Variants in PITPNC1 observed in about 807,000 individuals in gnomAD.
PITPNC1 encodes cytoplasmic phosphatidylinositol transfer protein 1.
PITPNC1 carries 18 observed loss-of-function variants against 44.7 expected under a neutral mutation model. The ratio of observed to expected loss-of-function variants is 0.40; its 90% CI spans 0.28 to 0.60. The LOEUF is 0.60. Ranked by LOEUF, PITPNC1 falls within the 20% of genes least tolerant of loss-of-function variation. The pLI, the probability that PITPNC1 is intolerant of heterozygous loss-of-function variation, is 0.39. For missense variants in PITPNC1, 290 were observed against 418.4 expected, an observed-to-expected ratio of 0.69 and a Z score of 2.68; for synonymous variants, 141 against 149.6, an observed-to-expected ratio of 0.94 and a Z score of 0.42.
intron 1 of PITPNC1, among the ~76,000 whole-genome samples, chr17:67,425,189 GCGCGCACGCACACGCA>G: frequency 2.4e-5 from 1 of 41,612 alleles, no homozygotes; most frequent in South Asian, 6.4e-4. Flanking sequence ...CATGTTGTGC[GCGCGCACGCACACGCA>G]CACACACACA....
chr17:67,634,572 C>T lies in PITPNC1; in HGVS notation c.462+2334C>T, dbSNP rs112119136. On this transcript the variant is annotated intron_variant, in intron 6 of 8. Transcript: ENST00000581322. ...AATGAGCCAAAGAGATGCTTAGGGT[C>T]CCTCCCTTCAGGACACTTCCAATCT... Among the ~76,000 whole-genome samples, 1,208 of 152,158 alleles carry T rather than the reference C, an allele frequency of 7.9e-3. 8 individuals carry two copies. Among genetic ancestry groups the T allele is most frequent in the Middle Eastern group, 0.014 (4 of 294 alleles).
intron 1 of PITPNC1, among the ~76,000 whole-genome samples, chr17:67,393,071 G>A (rs568067809): frequency 1.4e-4 from 21 of 151,494 alleles, no homozygotes; most frequent in Admixed American, 6.6e-4. Context: ...CAGAGGTTGT[G>A]GTGAGTCAAG....
intron 1 of PITPNC1, among the ~76,000 whole-genome samples, chr17:67,505,137 G>T (rs1462876830): frequency 6.6e-6 from 1 of 152,172 alleles, no homozygotes; most frequent in East Asian, 1.9e-4. Context: ...TTATGGTCTA[G>T]TATACGGTCT....
chr17:67,679,917 A>G (rs765775540), intron 8 of PITPNC1, among the ~76,000 whole-genome samples: 2 of 152,262 alleles, frequency 1.3e-5, no homozygotes, highest in Non-Finnish European at 2.9e-5. Context: ...AAAGGAACAC[A>G]GAACATTGCC....
chr17:67,438,099 A>C (rs2038961929), intron 1 of PITPNC1, among the ~76,000 whole-genome samples: 1 of 152,060 alleles, frequency 6.6e-6, no homozygotes, highest in African/African-American at 2.4e-5. Context: ...AAAAGAAGAG[A>C]AAAGAAAAAA....
At chr17:67,570,328 C>T (rs990720887) in intron 4 of PITPNC1, among the ~76,000 whole-genome samples, 2 of 152,334 alleles carry the variant, frequency 1.3e-5, no homozygotes, top group Admixed American at 1.3e-4. Context: ...GCCTGGGACA[C>T]GTGGTGACAT....
intron 6 of PITPNC1, among the ~76,000 whole-genome samples, chr17:67,663,915 G>C (rs2042384299): frequency 6.6e-6 from 1 of 152,096 alleles, no homozygotes; most frequent in African/African-American, 2.4e-5. Flanking sequence ...GTGACCGAGC[G>C]AGCTTCTAGA....
chr17:67,512,507 A>AACAAAAC (rs1382463792), intron 1 of PITPNC1, among the ~76,000 whole-genome samples: 3 of 149,772 alleles, frequency 2.0e-5, no homozygotes, highest in Admixed American at 6.6e-5. Flanking sequence ...TCTCAAAAAA[A>AACAAAAC]AAAAAAAAAA....
intron 5 of PITPNC1, among the ~76,000 whole-genome samples, chr17:67,607,861 T>G (rs1435187981): frequency 1.3e-5 from 2 of 151,930 alleles, no homozygotes; most frequent in Non-Finnish European, 2.9e-5. Context: ...CCCGAGTACC[T>G]GGGATTATAG....
At chr17:67,424,852 C>T (rs978921056) in intron 1 of PITPNC1, among the ~76,000 whole-genome samples, 3 of 151,918 alleles carry the variant, frequency 2.0e-5, no homozygotes, top group Admixed American at 6.6e-5. Context: ...ATGTGACCTT[C>T]GTGTATACAT....
chr17:67,599,034 A>ATATATATATT (rs1461493250), intron 5 of PITPNC1, among the ~76,000 whole-genome samples: 3 of 35,676 alleles, frequency 8.4e-5, no homozygotes, highest in East Asian at 9.2e-4. Context: ...ATATATATAT[A>ATATATATATT]TTTTTTTTTT....
chr17:67,537,116 G>T (rs562335023), intron 2 of PITPNC1, among the ~76,000 whole-genome samples: 9 of 152,308 alleles, frequency 5.9e-5, no homozygotes, highest in African/African-American at 1.9e-4. Context: ...CCCTGAAATT[G>T]ATGAAATTAA....
At chr17:67,432,190 A>G (rs1434186721) in intron 1 of PITPNC1, among the ~76,000 whole-genome samples, 1 of 152,242 alleles carries the variant, frequency 6.6e-6, no homozygotes, top group African/African-American at 2.4e-5. Context: ...TGGACCACAT[A>G]TAAAATACAC....
chr17:67,498,118 C>T (rs1166941396), intron 1 of PITPNC1, among the ~76,000 whole-genome samples: 2 of 152,124 alleles, frequency 1.3e-5, no homozygotes, highest in African/African-American at 4.8e-5. Context: ...GATCCACCCA[C>T]CTGAGCCTCC....
In PITPNC1 at chr17:67,487,565, G is replaced by A. The variant is rs138844888; in HGVS notation, c.49-45237G>A. ...CGAGTGTTTCTCTGTATCCATCTGAGCTCAGGAGGATGCCCAAGTGAAAGG... is the reference window on the plus strand; with the variant it reads ...CGAGTGTTTCTCTGTATCCATCTGAACTCAGGAGGATGCCCAAGTGAAAGG... On this transcript the variant is annotated intron_variant, in intron 1 of 8. Coordinates refer to ENST00000581322, the MANE Select transcript of PITPNC1 (RefSeq NM_012417.4). Among the ~76,000 whole-genome samples the A allele has an allele frequency of 2.3e-3, 350 of 152,312 alleles. 1 individual carries two copies. The highest frequency in any genetic ancestry group is 7.9e-3 in the African/African-American group (330 of 41,564).
At chr17:67,639,618 T>C (rs1198047041) in intron 6 of PITPNC1, among the ~76,000 whole-genome samples, 1 of 152,192 alleles carries the variant, frequency 6.6e-6, no homozygotes, top group African/African-American at 2.4e-5. Context: ...GAATTTGATT[T>C]TGAACTTTCC....
At chr17:67,581,223 C>T (rs2041229446) in intron 5 of PITPNC1, among the ~76,000 whole-genome samples, 2 of 152,172 alleles carry the variant, frequency 1.3e-5, no homozygotes, top group African/African-American at 4.8e-5. Context: ...GACTACTCTC[C>T]TAGGAATTTA....
At chr17:67,408,689 C>T (rs1042142928) in intron 1 of PITPNC1, 11 of 113,512 alleles carry the variant, frequency 9.7e-5, no homozygotes, top group African/African-American at 3.4e-4. Context: ...TTCCTTCCTT[C>T]CTTCCTTCCT....
Position 67,664,848 on chromosome 17 carries a change from T to C in PITPNC1, c.463-4660T>C, listed in dbSNP as rs985992085. Among the ~76,000 whole-genome samples, 4 of 149,244 alleles carry C rather than the reference T, an allele frequency of 2.7e-5. No homozygotes were observed. In the South Asian group the frequency reaches 6.3e-4, roughly 24 times the overall value. On this transcript the variant is annotated intron_variant, in intron 6 of 8. Transcript: ENST00000581322. ...TGAACCCAGAAGGCGGAGATTGCAG[T>C]GAGCCGAGATCATGCCACTGTACTC...
Sources: allele counts gnomAD v4.1 joint callset (sites outside exome capture counted in the v4.1 genomes callset), GRCh38; gene constraint gnomAD v4.1.1; transcripts MANE v1.5; gene names NCBI Gene and HGNC (gene_info 2026-07-23, HGNC 2026-07-21).